AGTPBP1: variants seen among roughly 807,000 people sequenced by gnomAD.
The protein encoded by AGTPBP1 is ATP/GTP binding carboxypeptidase 1, also known as cytosolic carboxypeptidase 1.
Under a neutral mutation model 143.9 loss-of-function variants are expected in AGTPBP1, and 70 were observed. The ratio of observed to expected loss-of-function variants is 0.49; its 90% CI spans 0.40 to 0.59. The LOEUF (loss-of-function observed/expected upper bound fraction) is 0.59. Ranked by LOEUF, AGTPBP1 falls within the 20% of genes least tolerant of loss-of-function variation. The pLI, the probability that AGTPBP1 is intolerant of heterozygous loss-of-function variation, is 0.00. For synonymous variants in AGTPBP1, 463 were observed against 500.2 expected (o/e 0.93, Z 0.99); for missense variants, 1,229 against 1,464.5 (o/e 0.84, Z 2.62).
rs141221530 is a variant in AGTPBP1, at chr9:85,734,621, A to C, written c.-34+7154T>G. Among the ~76,000 whole-genome samples, 908 of 152,350 alleles carry C rather than the reference A, an allele frequency of 6.0e-3. 11 individuals carry two copies. The highest frequency in any genetic ancestry group is 0.02 in the African/African-American group (841 of 41,578). On this transcript the variant is annotated intron_variant, in intron 1 of 25. Coordinates refer to ENST00000357081, the MANE Select transcript of AGTPBP1 (RefSeq NM_001330701.2). ...CAAAAACACAAAATAGTAAGTGTTG[A>C]TGTGCATAGATTAGAATCTTTGTGC...
the AGTPBP1 span, among the ~76,000 whole-genome samples, chr9:85,805,100 A>T: frequency 6.6e-6 from 1 of 152,130 alleles, no homozygotes; most frequent in African/African-American, 2.4e-5. Flanking sequence ...CGCCCACGTG[A>T]GGCGTTTGGA....
At chr9:85,695,998 C>T (rs909520902) in intron 2 of AGTPBP1, among the ~76,000 whole-genome samples, 1 of 152,106 alleles carries the variant, frequency 6.6e-6, no homozygotes, top group Non-Finnish European at 1.5e-5. Context: ...TGAGCCATTA[C>T]ACCCAGCTAA....
At chr9:85,702,907 T>G (rs1050876715) in intron 2 of AGTPBP1, among the ~76,000 whole-genome samples, 1 of 152,284 alleles carries the variant, frequency 6.6e-6, no homozygotes, top group South Asian at 2.1e-4. Context: ...TCTGGACCAA[T>G]TCCATCCATG....
chr9:85,649,993 T>G (rs1195480882), intron 11 of AGTPBP1, among the ~76,000 whole-genome samples: 2 of 151,700 alleles, frequency 1.3e-5, no homozygotes, highest in Non-Finnish European at 2.9e-5. Flanking sequence ...TGTTTCAGAT[T>G]AATCTTACCA....
At chr9:85,715,689 C>G (rs1284277859) in intron 1 of AGTPBP1, among the ~76,000 whole-genome samples, 1 of 152,198 alleles carries the variant, frequency 6.6e-6, no homozygotes, top group Non-Finnish European at 1.5e-5. Flanking sequence ...TTACAGTTCA[C>G]TTTTTATTAC....
intron 11 of AGTPBP1, among the ~76,000 whole-genome samples, chr9:85,649,948 A>G (rs1037382606): frequency 1.3e-5 from 2 of 151,406 alleles, no homozygotes; most frequent in Non-Finnish European, 2.9e-5. Context: ...TAGGATTTTT[A>G]TATTTATTTT....
At chr9:85,643,612 G>C (rs1832635034) in intron 12 of AGTPBP1, among the ~76,000 whole-genome samples, 13 of 152,080 alleles carry the variant, frequency 8.5e-5, no homozygotes, top group Admixed American at 8.5e-4. Flanking sequence ...TTTCAGTGGG[G>C]GAAAAAAGTC....
intron 23 of AGTPBP1, among the ~76,000 whole-genome samples, chr9:85,584,212 C>T (rs1252571917): frequency 2.0e-5 from 3 of 152,124 alleles, no homozygotes; most frequent in South Asian, 2.1e-4. Context: ...TACTTGGTTT[C>T]CTTTATTTAA....
At chr9:85,744,012 A>T (rs1824555066), upstream of AGTPBP1, among the ~76,000 whole-genome samples, 1 of 148,432 alleles carries the variant, frequency 6.7e-6, no homozygotes, top group Non-Finnish European at 1.5e-5. Context: ...TGCAGCCTTG[A>T]CCTCCCAGGC....
intron 6 of AGTPBP1, among the ~76,000 whole-genome samples, chr9:85,675,137 C>G (rs937032472): frequency 6.6e-6 from 1 of 152,118 alleles, no homozygotes; most frequent in Non-Finnish European, 1.5e-5. Flanking sequence ...ACCTCGTGAT[C>G]TGCCCACCTT....
intron 14 of AGTPBP1, among the ~76,000 whole-genome samples, chr9:85,625,667 C>T (rs1048403199): frequency 1.3e-4 from 19 of 151,776 alleles, no homozygotes; most frequent in South Asian, 1.0e-3. Flanking sequence ...GGGCAGAACA[C>T]GATGGCAGGA....
intron 19 of AGTPBP1, 111 bp from the exon 20 acceptor site, chr9:85,589,792 C>T (rs1034102664): frequency 1.8e-6 from 2 of 1,122,304 alleles, no homozygotes; most frequent in African/African-American, 1.6e-5. Context: ...GATTCTTAAC[C>T]CCTTATCCAA....
chr9:85,641,864 A>G (rs1181571934), intron 13 of AGTPBP1, among the ~76,000 whole-genome samples: 2 of 151,728 alleles, frequency 1.3e-5, no homozygotes, highest in African/African-American at 4.8e-5. Context: ...ACGCCCGGCT[A>G]ATTTTCTTAT....
At chr9:85,717,986 C>T (rs981410051) in intron 1 of AGTPBP1, among the ~76,000 whole-genome samples, 5 of 152,196 alleles carry the variant, frequency 3.3e-5, no homozygotes, top group South Asian at 2.1e-4. Context: ...GCTTCATCCA[C>T]GTCCCTGCAA....
chr9:85,676,706 G>A (rs1834851387), intron 6 of AGTPBP1, among the ~76,000 whole-genome samples: 1 of 152,170 alleles, frequency 6.6e-6, no homozygotes, highest in Non-Finnish European at 1.5e-5. Flanking sequence ...CAAACGAAAG[G>A]AAATAAGTAT....
chr9:85,678,737 C>T (rs62569229), intron 4 of AGTPBP1, among the ~76,000 whole-genome samples: 18,923 of 152,194 alleles, frequency 0.12, 1,526 homozygotes, highest in East Asian at 0.3. Flanking sequence ...AATCACTTAG[C>T]TGCCCTCTCA....
chr9:85,724,902 C>T (rs1838373175), intron 1 of AGTPBP1, among the ~76,000 whole-genome samples: 3 of 152,142 alleles, frequency 2.0e-5, no homozygotes, highest in African/African-American at 7.2e-5. Flanking sequence ...AATTTTACTA[C>T]ACAAACAAGC....
At chr9:85,701,546 C>T (rs2134369833) in intron 2 of AGTPBP1, among the ~76,000 whole-genome samples, 1 of 152,194 alleles carries the variant, frequency 6.6e-6, no homozygotes, top group South Asian at 2.1e-4. Flanking sequence ...TTATCTGAAC[C>T]AAAGTAGATG....
the AGTPBP1 span, chr9:85,764,603 A>G: frequency 5.2e-6 from 3 of 575,896 alleles, no homozygotes; most frequent in East Asian, 8.6e-5. Flanking sequence ...TGTAAAAACT[A>G]AAAATATATT....
Sources: allele counts gnomAD v4.1 joint callset (sites outside exome capture counted in the v4.1 genomes callset), GRCh38; gene constraint gnomAD v4.1.1; transcripts MANE v1.5; gene names NCBI Gene and HGNC (gene_info 2026-07-23, HGNC 2026-07-21).